RBFOX1: variants seen among roughly 807,000 people sequenced by gnomAD.
RBFOX1 encodes the protein RNA binding protein fox-1 homolog 1.
A neutral mutation model predicts 57.7 loss-of-function variants in RBFOX1; 8 were observed. The ratio of observed to expected loss-of-function variants is 0.14; its 90% CI spans 0.08 to 0.25. The LOEUF is 0.25. RBFOX1 is among the 10% of genes least tolerant of loss of function. The pLI is 1.00. For synonymous variants in RBFOX1, 326 were observed against 222.4 expected, an observed-to-expected ratio of 1.47 and a Z score of -4.15; for missense variants, 611 against 548.5, an observed-to-expected ratio of 1.11 and a Z score of -1.14.
At chr16:6,946,062 G>A (rs1042827921) in intron 3 of RBFOX1, among the ~76,000 whole-genome samples, 1 of 152,186 alleles carries the variant, frequency 6.6e-6, no homozygotes, top group Non-Finnish European at 1.5e-5. Context: ...GGGAATTAAA[G>A]CACCCTTTCC....
chr16:5,946,586 C>G lies in RBFOX1; in HGVS notation c.351+79251C>G, dbSNP rs1297797638. Among the ~76,000 whole-genome samples the G allele has an allele frequency of 2.0e-5, 3 of 152,146 alleles. No individual in the cohort carries two copies. The highest frequency in any genetic ancestry group is 4.8e-5 in the African/African-American group (2 of 41,440). ...CCAACTGGGTGTTCCTGAGTTATAT[C>G]CTTTACGATATACCGGTAATAGTAA... is the stretch of plus-strand genomic sequence containing the variant. On this transcript the variant is annotated intron_variant, in intron 4 of 19. Coordinates refer to the RBFOX1 transcript ENST00000641259. The surrounding 1 kb of genome is among the most constrained non-coding windows in gnomAD (Gnocchi z 4.6).
At chr16:7,047,028 A>G (rs2048215573) in intron 3 of RBFOX1, among the ~76,000 whole-genome samples, 1 of 150,590 alleles carries the variant, frequency 6.6e-6, no homozygotes, top group Admixed American at 6.7e-5. Flanking sequence ...AGAGTATAGA[A>G]AGCTCTTCAT....
At chr16:6,887,549 A>G (rs1258510925) in intron 3 of RBFOX1, among the ~76,000 whole-genome samples, 1 of 147,790 alleles carries the variant, frequency 6.8e-6, no homozygotes, top group African/African-American at 2.4e-5. Context: ...ATAGACACAA[A>G]AACACATATA....
intron 4 of RBFOX1, among the ~76,000 whole-genome samples, chr16:7,120,830 T>TATAC (rs1226442313): frequency 4.4e-3 from 379 of 86,576 alleles, no homozygotes; most frequent in East Asian, 0.024. Flanking sequence ...TATGTATATA[T>TATAC]ACACACACAC....
chr16:6,437,056 G>A (rs2094255749), intron 2 of RBFOX1, among the ~76,000 whole-genome samples: 1 of 152,088 alleles, frequency 6.6e-6, no homozygotes, highest in Non-Finnish European at 1.5e-5. Flanking sequence ...TTGGCTCTTT[G>A]GCTATTTTCA....
At chr16:5,506,206 G>T (rs1267818647) in intron 2 of RBFOX1, among the ~76,000 whole-genome samples, 4 of 151,928 alleles carry the variant, frequency 2.6e-5, no homozygotes, top group African/African-American at 9.7e-5. Context: ...AGGGTTCCCA[G>T]TGTCCTCCCA....
chr16:6,305,950 G>A (rs1259877214), intron 1 of RBFOX1, among the ~76,000 whole-genome samples: 1 of 152,152 alleles, frequency 6.6e-6, no homozygotes, highest in Non-Finnish European at 1.5e-5. Flanking sequence ...GGAGCTGTCA[G>A]TGCAGGGTGG....
chr16:5,873,978 G>C (rs905346805), intron 4 of RBFOX1, among the ~76,000 whole-genome samples: 12 of 152,200 alleles, frequency 7.9e-5, no homozygotes, highest in African/African-American at 2.9e-4. Context: ...TGTGGAAACA[G>C]TGAAGGAGAA....
intron 3 of RBFOX1, among the ~76,000 whole-genome samples, chr16:6,817,187 C>G (rs767372475): frequency 6.6e-6 from 1 of 152,128 alleles, no homozygotes; most frequent in Non-Finnish European, 1.5e-5. Flanking sequence ...TGTTATACAT[C>G]ACTGTCCACT....
At chr16:7,571,208 AG>A (rs1555617456) in intron 5 of RBFOX1, among the ~76,000 whole-genome samples, 1 of 124,466 alleles carries the variant, frequency 8.0e-6, no homozygotes, top group Non-Finnish European at 1.8e-5. Context: ...CCAGAACTTA[AG>A]GAAGAAAAAA....
intron 13 of RBFOX1, 65 bp downstream of exon 13, chr16:7,665,033 G>T: frequency 1.2e-6 from 2 of 1,613,560 alleles, no homozygotes; most frequent in Non-Finnish European, 1.7e-6. Flanking sequence ...TTACAAGTTT[G>T]CTGTGAATTT....
At chr16:6,750,607 A>G (rs2074741268) in intron 3 of RBFOX1, among the ~76,000 whole-genome samples, 1 of 152,196 alleles carries the variant, frequency 6.6e-6, no homozygotes, top group Non-Finnish European at 1.5e-5. Context: ...CATCAGAGAT[A>G]TTTTGAAAGA....
intron 3 of RBFOX1, among the ~76,000 whole-genome samples, chr16:6,852,832 C>G (rs964161192): frequency 6.6e-6 from 1 of 151,758 alleles, no homozygotes; most frequent in African/African-American, 2.4e-5. Context: ...AAACTGCTTT[C>G]CAGGTGAGGT....
At chr16:6,833,590 A>G (rs967355605) in intron 3 of RBFOX1, among the ~76,000 whole-genome samples, 2 of 151,914 alleles carry the variant, frequency 1.3e-5, no homozygotes, top group African/African-American at 4.8e-5. Context: ...GCACTTATAC[A>G]CCTGTTAGTA....
chr16:5,725,030 C>T (rs963537800), intron 3 of RBFOX1, among the ~76,000 whole-genome samples: 2 of 152,062 alleles, frequency 1.3e-5, no homozygotes, highest in South Asian at 2.1e-4. Context: ...AAATCCAATC[C>T]GATCAACCCT....
intron 1 of RBFOX1, among the ~76,000 whole-genome samples, chr16:6,123,014 C>T (rs898547578): frequency 3.3e-5 from 5 of 151,658 alleles, no homozygotes; most frequent in Non-Finnish European, 5.9e-5. Flanking sequence ...AGAATATTAG[C>T]ATTTTAACAC....
intron 4 of RBFOX1, among the ~76,000 whole-genome samples, chr16:7,378,000 GCAAAGTCTCTAAA>G (rs751131457): frequency 1.5e-4 from 23 of 152,210 alleles, no homozygotes; most frequent in Non-Finnish European, 2.2e-4. Flanking sequence ...AACAGAATGT[GCAAAGTCTCTAAA>G]GTTAGAATAA....
At chr16:6,253,091 A>G (rs375029653) in intron 1 of RBFOX1, among the ~76,000 whole-genome samples, 3 of 152,114 alleles carry the variant, frequency 2.0e-5, no homozygotes, top group South Asian at 2.1e-4. Context: ...CTTGATCTAT[A>G]TATGTATCTC....
chr16:7,153,510 G>T (rs1009660517), intron 4 of RBFOX1, among the ~76,000 whole-genome samples: 3 of 151,876 alleles, frequency 2.0e-5, no homozygotes, highest in Admixed American at 6.6e-5. Context: ...GCTGCGGCAA[G>T]TGAATCACAA....
Sources: allele counts gnomAD v4.1 joint callset (sites outside exome capture counted in the v4.1 genomes callset), GRCh38; gene constraint gnomAD v4.1.1; non-coding constraint Gnocchi (gnomAD v3.1); transcripts MANE v1.5; gene names NCBI Gene and HGNC (gene_info 2026-07-23, HGNC 2026-07-21).